The following OLFM2 variants were observed in gnomAD, a reference collection of about 807,000 sequenced individuals.
The protein encoded by OLFM2 is olfactomedin 2, also known as noelin-2.
Under a neutral mutation model 43.9 loss-of-function variants are expected in OLFM2, and 20 were observed. The observed-to-expected ratio is 0.46, with a 90% confidence interval of 0.32 to 0.66. OLFM2 has a LOEUF of 0.66. Ranked by LOEUF, OLFM2 falls within the 30% of genes least tolerant of loss-of-function variation. The probability of loss-of-function intolerance (pLI) is 0.04; values close to 1 mark genes in which losing one functional copy is unlikely to be tolerated. For synonymous variants in OLFM2, 268 were observed against 278.6 expected (o/e 0.96, Z 0.38); for missense variants, 416 against 643.6 (o/e 0.65, Z 3.83).
intron 1 of OLFM2, among the ~76,000 whole-genome samples, chr19:9,914,492 T>G (rs924231128): frequency 1.3e-5 from 2 of 152,066 alleles, no homozygotes; most frequent in Non-Finnish European, 2.9e-5. Context: ...CTGGGGTCAC[T>G]TCGGCCACGG....
At chr19:9,859,870 A>G (rs903977274) in intron 2 of OLFM2, among the ~76,000 whole-genome samples, 27 of 152,058 alleles carry the variant, frequency 1.8e-4, no homozygotes, top group Admixed American at 1.6e-3. Context: ...GGCAGGGCGC[A>G]GTGGCTCACG....
intron 1 of OLFM2, among the ~76,000 whole-genome samples, chr19:9,885,472 C>T (rs2046578415): frequency 6.6e-6 from 1 of 152,170 alleles, no homozygotes; most frequent in Admixed American, 6.6e-5. Flanking sequence ...TGGGGCTCTG[C>T]CCAGAGCTGC....
intron 1 of OLFM2, among the ~76,000 whole-genome samples, chr19:9,914,726 G>T (rs1442350654): frequency 6.6e-6 from 1 of 151,712 alleles, no homozygotes; most frequent in African/African-American, 2.4e-5. Flanking sequence ...CCGCCCACCC[G>T]TCCGCCCACG....
At chr19:9,860,906 G>T in intron 1 of OLFM2, 112 bp from the exon 2 acceptor site, 1 of 1,109,808 alleles carries the variant, frequency 9.0e-7, no homozygotes, top group Non-Finnish European at 1.3e-6. Context: ...CTGGGCTCCG[G>T]GCATATGCCA....
At chr19:9,930,832 G>GACACAGCA (rs1424936645) in intron 1 of OLFM2, among the ~76,000 whole-genome samples, 1 of 151,996 alleles carries the variant, frequency 6.6e-6, no homozygotes, top group Non-Finnish European at 1.5e-5. Flanking sequence ...CAGTGTGGAC[G>GACACAGCA]ACACAGCAAG....
intron 1 of OLFM2, among the ~76,000 whole-genome samples, chr19:9,871,070 G>A (rs977824055): frequency 6.6e-6 from 1 of 151,634 alleles, no homozygotes; most frequent in African/African-American, 2.4e-5. Flanking sequence ...AGGAGTTCGA[G>A]ACCAGCCTGG....
chr19:9,924,648 TC>T (rs2086441598), intron 1 of OLFM2, among the ~76,000 whole-genome samples: 1 of 151,958 alleles, frequency 6.6e-6, no homozygotes, highest in South Asian at 2.1e-4. Flanking sequence ...CATGCAAGTG[TC>T]TTTTTTATGG....
chr19:9,908,339 T>C (rs2046799940), intron 1 of OLFM2, among the ~76,000 whole-genome samples: 2 of 151,848 alleles, frequency 1.3e-5, no homozygotes, highest in Admixed American at 6.6e-5. Flanking sequence ...GGAGTTTTGC[T>C]CTTGTCACCC....
chr19:9,922,910 C>CA (rs530892316), intron 1 of OLFM2, among the ~76,000 whole-genome samples: 13,581 of 73,446 alleles, frequency 0.18, 2,037 homozygotes, highest in African/African-American at 0.43. Context: ...GACCCTGTCT[C>CA]AAAAAAAAAA....
Position 9,856,758 on chromosome 19 carries a change from G to C in OLFM2, c.687+49C>G, listed in dbSNP as rs779473189. On this transcript the variant is annotated intron_variant, in intron 5 of 5. Coordinates refer to ENST00000264833, the MANE Select transcript of OLFM2 (RefSeq NM_058164.4). The surrounding 1 kb of genome is among the most constrained non-coding windows in gnomAD (Gnocchi z 4.0). ...CCTAGGCACCTATGGGCAGTCAAAG[G>C]CTCTGTCCCTCCCAGGCCCTGACCC... 3 of 1,481,290 alleles carry C rather than the reference G, an allele frequency of 2.0e-6. No homozygotes were observed. Among genetic ancestry groups the C allele is most frequent in the East Asian group, 2.3e-5 (1 of 43,222 alleles). The allele number at this position is 1,481,290 out of a possible 1,614,324, so 91.8% of individuals were successfully genotyped here.
chr19:9,863,478 G>T (rs1174400451), intron 1 of OLFM2, among the ~76,000 whole-genome samples: 6 of 152,074 alleles, frequency 3.9e-5, no homozygotes, highest in African/African-American at 1.2e-4. Context: ...ATGGGTGGTG[G>T]CCATAGAGGC....
chr19:9,906,302 G>T (rs567975692), intron 1 of OLFM2, among the ~76,000 whole-genome samples: 3 of 147,786 alleles, frequency 2.0e-5, no homozygotes, highest in South Asian at 4.1e-4. Flanking sequence ...GGGCACACAG[G>T]GTGGGGGAGA....
chr19:9,856,712 G>A lies in OLFM2; in HGVS notation c.687+95C>T. On this transcript the variant is annotated intron_variant, in intron 5 of 5. Transcript: ENST00000264833. This position sits in a 1 kb window ranked among gnomAD's most constrained non-coding sequence, Gnocchi z 4.0. ...GGATCCAGGACACTTTGGGCTACAA[G>A]ACAGTCACCAGTGTGGACTCCCTAG... 1.0e-6 allele frequency: 1 copy of A among 992,058 alleles called. No individual in the cohort carries two copies. Among genetic ancestry groups the A allele is most frequent in the South Asian group, 1.5e-5 (1 of 68,678 alleles). The allele number at this position is 992,058 out of a possible 1,614,324, so 61.5% of individuals were successfully genotyped here. A position where few individuals can be genotyped will look rare whatever the true frequency, so the allele number is the denominator to read the frequency against.
chr19:9,929,358 T>C (rs911920799), intron 1 of OLFM2, among the ~76,000 whole-genome samples: 2 of 151,954 alleles, frequency 1.3e-5, no homozygotes. Flanking sequence ...TTTGGGAGGC[T>C]GAGGCGGGTG....
intron 1 of OLFM2, among the ~76,000 whole-genome samples, chr19:9,883,307 C>T (rs2046556720): frequency 6.6e-6 from 1 of 151,924 alleles, no homozygotes; most frequent in African/African-American, 2.4e-5. Flanking sequence ...TAAGCATATC[C>T]AGGCTGACTC....
chr19:9,896,532 G>C (rs1447407249), intron 1 of OLFM2, among the ~76,000 whole-genome samples: 1 of 152,184 alleles, frequency 6.6e-6, no homozygotes, highest in African/African-American at 2.4e-5. Flanking sequence ...AAAGTGCTGG[G>C]ATTATAGGTG....
intron 1 of OLFM2, among the ~76,000 whole-genome samples, chr19:9,911,244 G>C (rs1331941057): frequency 6.6e-6 from 1 of 152,066 alleles, no homozygotes; most frequent in East Asian, 1.9e-4. Flanking sequence ...TTCCAACATA[G>C]GTCTTTCAGA....
chr19:9,884,503 G>A (rs1034647775), intron 1 of OLFM2, among the ~76,000 whole-genome samples: 10 of 152,142 alleles, frequency 6.6e-5, no homozygotes, highest in African/African-American at 1.9e-4. Context: ...CTTGAACCTG[G>A]GAGGTGGAGG....
chr19:9,862,492 C>A (rs2046371725), intron 1 of OLFM2, among the ~76,000 whole-genome samples: 1 of 150,638 alleles, frequency 6.6e-6, no homozygotes, highest in Non-Finnish European at 1.5e-5. Flanking sequence ...GGCAACATAA[C>A]AAGACCTCAT....
Sources: allele counts gnomAD v4.1 joint callset (sites outside exome capture counted in the v4.1 genomes callset), GRCh38; gene constraint gnomAD v4.1.1; non-coding constraint Gnocchi (gnomAD v3.1); transcripts MANE v1.5; gene names NCBI Gene and HGNC (gene_info 2026-07-23, HGNC 2026-07-21).